The following ZBTB7C variants were observed in gnomAD, a reference collection of about 807,000 sequenced individuals.
The protein encoded by ZBTB7C is zinc finger and BTB domain-containing protein 7C.
A neutral mutation model predicts 25.7 loss-of-function variants in ZBTB7C; 8 were observed. That is an observed-to-expected ratio of 0.31 (90% CI 0.18 to 0.56). The LOEUF (loss-of-function observed/expected upper bound fraction) is 0.56. Among genes scored for constraint, ZBTB7C ranks in the 20% least tolerant of loss-of-function variants. The probability of loss-of-function intolerance (pLI) is 0.91; values close to 1 mark genes in which losing one functional copy is unlikely to be tolerated. For missense variants in ZBTB7C, 824 were observed against 855.2 expected, an observed-to-expected ratio of 0.96 and a Z score of 0.46; for synonymous variants, 394 against 369.0, an observed-to-expected ratio of 1.07 and a Z score of -0.78.
At chr18:48,372,191 T>G (rs377227044) in intron 1 of ZBTB7C, among the ~76,000 whole-genome samples, 8 of 152,222 alleles carry the variant, frequency 5.3e-5, no homozygotes, top group African/African-American at 1.9e-4. Flanking sequence ...GAGCCCTCAC[T>G]GGACAATAGG....
intron 1 of ZBTB7C, among the ~76,000 whole-genome samples, chr18:48,376,933 C>T (rs60204001): frequency 0.02 from 3,070 of 152,292 alleles, 116 homozygotes; most frequent in African/African-American, 0.07. Flanking sequence ...GGTAGTAACA[C>T]CTCCATCCCC....
Position 48,041,084 on chromosome 18 carries a change from G to T in ZBTB7C, c.24C>A (p.Leu8=). Residue 8 remains leucine (L), a synonymous_variant, in exon 4 of 5, where the codon CTC becomes CTA. Transcript: ENST00000590800. MANDIDE[L]IGIPFPNHSS... is the part of the protein sequence containing the mutation. ...TGTGGTTGGGGAAGGGAATGCCAAT[G>T]AGCTCATCAATGTCATTGGCCATGT... 1 of 1,605,602 alleles carries T rather than the reference G, an allele frequency of 6.2e-7. No homozygotes were observed. The highest frequency in any genetic ancestry group is 1.1e-5 in the South Asian group (1 of 90,688).
At chr18:48,157,464 T>C (rs1342568962) in intron 3 of ZBTB7C, among the ~76,000 whole-genome samples, 1 of 152,194 alleles carries the variant, frequency 6.6e-6, no homozygotes, top group Non-Finnish European at 1.5e-5. Flanking sequence ...GTGGTCCTTC[T>C]GTCTGCGGAG....
chr18:48,181,535 A>G (rs2041923084), intron 3 of ZBTB7C, among the ~76,000 whole-genome samples: 1 of 152,180 alleles, frequency 6.6e-6, no homozygotes, highest in Non-Finnish European at 1.5e-5. Context: ...AGGCCCCAAG[A>G]GCCCAAAGCT....
intron 2 of ZBTB7C, among the ~76,000 whole-genome samples, chr18:48,281,061 C>T (rs2144634129): frequency 6.6e-6 from 1 of 152,136 alleles, no homozygotes; most frequent in Admixed American, 6.5e-5. Context: ...GCCATGTTGG[C>T]CAGACTGGTC....
intron 2 of ZBTB7C, among the ~76,000 whole-genome samples, chr18:48,331,589 T>C (rs1050944426): frequency 6.6e-6 from 1 of 152,150 alleles, no homozygotes; most frequent in Non-Finnish European, 1.5e-5. Flanking sequence ...AGAGGTACAG[T>C]GTATATTAGC....
intron 3 of ZBTB7C, among the ~76,000 whole-genome samples, chr18:48,096,377 T>C (rs79103334): frequency 0.031 from 4,758 of 152,280 alleles, 233 homozygotes; most frequent in African/African-American, 0.11. Flanking sequence ...CTTAATGCGC[T>C]TTCTGGGCAG....
At chr18:48,281,298 C>T (rs1282388296) in intron 2 of ZBTB7C, among the ~76,000 whole-genome samples, 3 of 152,046 alleles carry the variant, frequency 2.0e-5, no homozygotes, top group African/African-American at 7.3e-5. Context: ...AAACCTCATA[C>T]AAAAATTAAT....
chr18:48,201,727 T>C (rs925289074), intron 2 of ZBTB7C, among the ~76,000 whole-genome samples: 1 of 152,170 alleles, frequency 6.6e-6, no homozygotes, highest in Non-Finnish European at 1.5e-5. Context: ...AAAAATACTA[T>C]AATGAACACC....
chr18:48,353,951 C>T (rs1315645604), intron 1 of ZBTB7C, among the ~76,000 whole-genome samples: 1 of 152,176 alleles, frequency 6.6e-6, no homozygotes, highest in East Asian at 1.9e-4. Context: ...AGAGACTTTA[C>T]CTCTACTCTA....
intron 2 of ZBTB7C, among the ~76,000 whole-genome samples, chr18:48,267,485 T>C (rs1308175585): frequency 6.6e-6 from 1 of 152,222 alleles, no homozygotes; most frequent in Non-Finnish European, 1.5e-5. Context: ...GTTATCAATA[T>C]GGTAACCAAG....
intron 2 of ZBTB7C, among the ~76,000 whole-genome samples, chr18:48,222,657 G>C (rs1206715344): frequency 1.3e-5 from 2 of 152,186 alleles, no homozygotes; most frequent in Non-Finnish European, 2.9e-5. Context: ...CTGGAAAGAA[G>C]GTGAGAGGCT....
At chr18:48,302,731 C>T (rs2045575065) in intron 2 of ZBTB7C, among the ~76,000 whole-genome samples, 1 of 152,182 alleles carries the variant, frequency 6.6e-6, no homozygotes, top group Non-Finnish European at 1.5e-5. Context: ...GGCCTTTCCC[C>T]CAAAAACCAT....
At chr18:48,397,833 G>A (rs1029227963) in intron 1 of ZBTB7C, among the ~76,000 whole-genome samples, 7 of 152,170 alleles carry the variant, frequency 4.6e-5, no homozygotes, top group Admixed American at 6.5e-5. Context: ...GCAAGACCAC[G>A]TCTTGGGCTT....
intron 3 of ZBTB7C, among the ~76,000 whole-genome samples, chr18:48,064,044 G>T (rs1322203343): frequency 3.9e-5 from 6 of 152,154 alleles, no homozygotes; most frequent in African/African-American, 7.2e-5. Flanking sequence ...GGAAATTTGA[G>T]CAATATGGCC....
chr18:48,139,655 C>T (rs2040281455), intron 3 of ZBTB7C, among the ~76,000 whole-genome samples: 1 of 152,204 alleles, frequency 6.6e-6, no homozygotes, highest in Admixed American at 6.5e-5. Context: ...CCTGCTGGGA[C>T]ACACCCTTCA....
At chr18:48,182,888 A>G (rs1029424841) in intron 3 of ZBTB7C, among the ~76,000 whole-genome samples, 2 of 152,228 alleles carry the variant, frequency 1.3e-5, no homozygotes, top group African/African-American at 2.4e-5. Flanking sequence ...TATTTTAAAT[A>G]TTTGGGAATT....
intron 2 of ZBTB7C, among the ~76,000 whole-genome samples, chr18:48,244,027 A>C (rs559658141): frequency 3.3e-5 from 5 of 152,240 alleles, no homozygotes; most frequent in Non-Finnish European, 7.3e-5. Flanking sequence ...AATCAACTCA[A>C]GATGCATTGA....
chr18:48,303,539 A>G (rs745500424), intron 2 of ZBTB7C, among the ~76,000 whole-genome samples: 29 of 152,192 alleles, frequency 1.9e-4, no homozygotes, highest in Non-Finnish European at 2.9e-4. Flanking sequence ...AAACTACTCC[A>G]CAAAAGATGA....
Sources: gnomAD v4.1 joint callset for allele counts (sites outside exome capture counted in the v4.1 genomes callset) on GRCh38, gnomAD v4.1.1 for gene constraint, MANE v1.5 for transcripts, NCBI Gene and HGNC (gene_info 2026-07-23, HGNC 2026-07-21) for gene names.